Variants in PCDH11X observed in about 807,000 individuals in gnomAD.
The protein encoded by PCDH11X is protocadherin 11 X-linked.
A neutral mutation model predicts 53.3 loss-of-function variants in PCDH11X; 18 were observed. That is an observed-to-expected ratio of 0.34 (90% CI 0.23 to 0.50). The LOEUF is 0.50. Ranked by LOEUF, PCDH11X falls within the 20% of genes least tolerant of loss-of-function variation. PCDH11X has a pLI of 0.98. For synonymous variants in PCDH11X, 279 were observed against 393.3 expected (o/e 0.71, Z 3.44); for missense variants, 570 against 1,032.4 (o/e 0.55, Z 6.14).
At chrX:92,186,047 T>C (rs1261723813) in intron 6 of PCDH11X, among the ~76,000 whole-genome samples, 1 of 111,723 alleles carries the variant, frequency 9.0e-6, no homozygotes, top group African/African-American at 3.3e-5. Context: ...ATTGAAGAGA[T>C]GTCTGAACCT....
intron 1 of PCDH11X, among the ~76,000 whole-genome samples, chrX:91,792,795 A>G (rs1935598944): frequency 9.0e-6 from 1 of 111,691 alleles, no homozygotes; most frequent in Admixed American, 9.5e-5. Flanking sequence ...ATATCATTAC[A>G]CTTTATATAT....
intron 10 of PCDH11X, among the ~76,000 whole-genome samples, chrX:92,513,648 A>T (rs1294911279): frequency 9.2e-6 from 1 of 108,576 alleles, no homozygotes; most frequent in Non-Finnish European, 1.9e-5. Flanking sequence ...TTTTCATTTA[A>T]ACTTTTCAAT....
intron 5 of PCDH11X, among the ~76,000 whole-genome samples, chrX:91,859,133 T>C (rs1013546658): frequency 1.8e-5 from 2 of 111,423 alleles, no homozygotes; most frequent in Non-Finnish European, 3.8e-5. Context: ...GGAATCTGTA[T>C]TTTGTGGACA....
intron 6 of PCDH11X, among the ~76,000 whole-genome samples, chrX:91,937,829 C>A (rs998726731): frequency 1.8e-5 from 2 of 110,962 alleles, no homozygotes; most frequent in Non-Finnish European, 3.8e-5. Flanking sequence ...TTTCCTCATG[C>A]AAATATGACT....
intron 10 of PCDH11X, among the ~76,000 whole-genome samples, chrX:92,472,522 G>A (rs1175255531): frequency 9.2e-6 from 1 of 108,217 alleles, no homozygotes; most frequent in Non-Finnish European, 1.9e-5. Context: ...TAATCCTGTA[G>A]TATAGTATAG....
At chrX:91,923,569 G>A (rs1941828263) in intron 6 of PCDH11X, among the ~76,000 whole-genome samples, 1 of 108,509 alleles carries the variant, frequency 9.2e-6, no homozygotes, top group Non-Finnish European at 1.9e-5. Context: ...CAGACTGAAG[G>A]CTGCATTGTC....
At chrX:92,407,528 T>C (rs1345532260) in intron 9 of PCDH11X, among the ~76,000 whole-genome samples, 16 of 111,681 alleles carry the variant, frequency 1.4e-4, no homozygotes, top group Non-Finnish European at 2.4e-4. Context: ...AGTTTACTGA[T>C]ATGGTTGAAT....
At chrX:91,899,389 G>T (rs940276319) in intron 6 of PCDH11X, among the ~76,000 whole-genome samples, 1 of 110,827 alleles carries the variant, frequency 9.0e-6, no homozygotes, top group African/African-American at 3.3e-5. Context: ...ATTAGATTGT[G>T]TCCACCGATT....
chrX:91,832,540 GT>G (rs1320014579), intron 4 of PCDH11X, among the ~76,000 whole-genome samples: 1 of 104,112 alleles, frequency 9.6e-6, no homozygotes, highest in Non-Finnish European at 2.0e-5. Flanking sequence ...TATACCTAAT[GT>G]TAAATGACGA....
chrX:91,970,525 T>C (rs1405303194), intron 6 of PCDH11X, among the ~76,000 whole-genome samples: 1 of 111,584 alleles, frequency 9.0e-6, no homozygotes, highest in African/African-American at 3.3e-5. Context: ...GAATGCTGAT[T>C]GGTGTGTTTA....
intron 7 of PCDH11X, among the ~76,000 whole-genome samples, chrX:92,251,625 G>A (rs369539): frequency 0.58 from 63,723 of 109,531 alleles, 15,441 homozygotes; most frequent in Non-Finnish European, 0.78. Context: ...TGCCCACATC[G>A]TAGGGTCAAT....
intron 8 of PCDH11X, among the ~76,000 whole-genome samples, chrX:92,276,240 G>A (rs758341144): frequency 1.0e-4 from 11 of 107,250 alleles, no homozygotes; most frequent in African/African-American, 3.7e-4. Flanking sequence ...ATTAAGAAGG[G>A]GACGGGCTTA....
intron 8 of PCDH11X, among the ~76,000 whole-genome samples, chrX:92,378,958 C>T (rs1425451638): frequency 8.8e-6 from 1 of 113,056 alleles, no homozygotes; most frequent in Non-Finnish European, 1.9e-5. Context: ...TAAAACAGAA[C>T]AGAATATTTG....
At chrX:92,325,315 A>C (rs959648909) in intron 8 of PCDH11X, among the ~76,000 whole-genome samples, 5 of 111,101 alleles carry the variant, frequency 4.5e-5, no homozygotes, top group Non-Finnish European at 9.4e-5. Flanking sequence ...AAATGAAAAC[A>C]GGAAGGAAAT....
intron 6 of PCDH11X, among the ~76,000 whole-genome samples, chrX:92,076,569 G>A (rs1285216612): frequency 9.0e-6 from 1 of 111,490 alleles, no homozygotes; most frequent in Non-Finnish European, 1.9e-5. Context: ...ATAAAGGCAT[G>A]ATTACACCAA....
At chrX:92,014,166 A>T (rs1389179227) in intron 6 of PCDH11X, among the ~76,000 whole-genome samples, 4 of 103,820 alleles carry the variant, frequency 3.9e-5, no homozygotes, top group African/African-American at 6.8e-5. Flanking sequence ...GAATCTACAA[A>T]TAACTCAAAC....
At chrX:92,216,446 G>A (rs1166382205) in intron 7 of PCDH11X, among the ~76,000 whole-genome samples, 1 of 103,571 alleles carries the variant, frequency 9.7e-6, no homozygotes, top group African/African-American at 3.5e-5. Context: ...GGAAGAAAGG[G>A]TATCAGCGAT....
At chrX:91,962,925 G>A (rs1482717994) in intron 6 of PCDH11X, among the ~76,000 whole-genome samples, 1 of 110,058 alleles carries the variant, frequency 9.1e-6, no homozygotes, top group East Asian at 2.9e-4. Context: ...TCATGGCTGG[G>A]ACACAGGGCA....
chrX:92,132,764 G>A (rs1283338784), intron 6 of PCDH11X, among the ~76,000 whole-genome samples: 20 of 103,190 alleles, frequency 1.9e-4, no homozygotes, highest in African/African-American at 4.5e-4. Flanking sequence ...GGGAGCCTGC[G>A]TTATTGAGAC....
Sources: gnomAD v4.1 joint callset for allele counts (sites outside exome capture counted in the v4.1 genomes callset) on GRCh38, gnomAD v4.1.1 for gene constraint, MANE v1.5 for transcripts, NCBI Gene and HGNC (gene_info 2026-07-23, HGNC 2026-07-21) for gene names.